Variants in NKAIN2 observed in about 807,000 individuals in gnomAD.
NKAIN2 encodes sodium/potassium transporting ATPase interacting 2.
A neutral mutation model predicts 32.6 loss-of-function variants in NKAIN2; 14 were observed. The ratio of observed to expected loss-of-function variants is 0.43; its 90% CI spans 0.28 to 0.67. NKAIN2 has a LOEUF of 0.67. NKAIN2 is among the 30% of genes least tolerant of loss of function. The probability of loss-of-function intolerance (pLI) is 0.17; values close to 1 mark genes in which losing one functional copy is unlikely to be tolerated. For synonymous variants in NKAIN2, 80 were observed against 87.2 expected (o/e 0.92, Z 0.46); for missense variants, 198 against 258.3 (o/e 0.77, Z 1.60).
intron 1 of NKAIN2, among the ~76,000 whole-genome samples, chr6:124,235,262 C>G (rs908167257): frequency 6.6e-6 from 1 of 152,118 alleles, no homozygotes; most frequent in Non-Finnish European, 1.5e-5. Flanking sequence ...GAATTTCACC[C>G]CTTTTCTATG....
chr6:123,968,320 A>G (rs1045871771), intron 1 of NKAIN2, among the ~76,000 whole-genome samples: 3 of 152,178 alleles, frequency 2.0e-5, no homozygotes, highest in East Asian at 1.9e-4. Context: ...AATAGGAGCC[A>G]CGGGTGCTAT....
chr6:124,424,039 G>A (rs548803118), intron 3 of NKAIN2, among the ~76,000 whole-genome samples: 1 of 152,030 alleles, frequency 6.6e-6, no homozygotes, highest in African/African-American at 2.4e-5. Flanking sequence ...TGTTGCCCAG[G>A]CTGGAGTTCA....
At chr6:124,733,015 G>A (rs550367303) in intron 4 of NKAIN2, among the ~76,000 whole-genome samples, 1 of 151,892 alleles carries the variant, frequency 6.6e-6, no homozygotes, top group African/African-American at 2.4e-5. Context: ...ACAAAAAAAA[G>A]TGGATGGACC....
intron 3 of NKAIN2, among the ~76,000 whole-genome samples, chr6:124,398,147 G>A (rs1386282595): frequency 6.6e-6 from 1 of 150,816 alleles, no homozygotes; most frequent in Non-Finnish European, 1.5e-5. Context: ...CAGCTACTCG[G>A]GAGGCTGAGG....
chr6:123,887,598 G>A (rs1336510348), intron 1 of NKAIN2, among the ~76,000 whole-genome samples: 1 of 152,078 alleles, frequency 6.6e-6, no homozygotes, highest in Non-Finnish European at 1.5e-5. Context: ...TGTTGCTCAT[G>A]CTCTCAACCA....
chr6:124,302,763 A>T (rs185030382), intron 2 of NKAIN2, among the ~76,000 whole-genome samples: 1 of 152,312 alleles, frequency 6.6e-6, no homozygotes, highest in East Asian at 1.9e-4. Context: ...TGGAAAAAAA[A>T]ACTTAGAAGA....
At chr6:124,361,570 G>A (rs2114277622) in intron 3 of NKAIN2, among the ~76,000 whole-genome samples, 1 of 152,104 alleles carries the variant, frequency 6.6e-6, no homozygotes. Flanking sequence ...TATACCTAAT[G>A]TTTGTTTCAG....
intron 3 of NKAIN2, among the ~76,000 whole-genome samples, chr6:124,562,843 G>T (rs1780746482): frequency 6.6e-6 from 1 of 151,632 alleles, no homozygotes; most frequent in Admixed American, 6.6e-5. Flanking sequence ...TTCGGAAAAT[G>T]CCGCTGTATA....
chr6:124,807,130 C>T (rs1228761703), intron 5 of NKAIN2, among the ~76,000 whole-genome samples: 4 of 151,896 alleles, frequency 2.6e-5, no homozygotes, highest in Non-Finnish European at 4.4e-5. Context: ...AGCTCTGCAC[C>T]AAGTGGACCT....
At chr6:123,809,737 A>G (rs1773374615) in intron 1 of NKAIN2, among the ~76,000 whole-genome samples, 1 of 152,168 alleles carries the variant, frequency 6.6e-6, no homozygotes, top group Non-Finnish European at 1.5e-5. Flanking sequence ...CTTGAATTAT[A>G]AAACAGGCAG....
rs571237571 is a variant in NKAIN2, at chr6:124,099,684, C to T, written c.55-183321C>T. On this transcript the variant is annotated intron_variant, in intron 1 of 6. Transcript: ENST00000368417. ...ATGTTGCATTCCAGGAGACTTTTGA[C>T]TATTGACTGTTACAATGTATGTAGC... 2.0e-5 allele frequency among the ~76,000 whole-genome samples: 3 copies of T among 152,268 alleles called. No individual in the cohort carries two copies. The South Asian group carries it at 6.2e-4, about 32-fold the overall frequency.
intron 1 of NKAIN2, among the ~76,000 whole-genome samples, chr6:123,932,162 G>T (rs962360937): frequency 1.3e-5 from 2 of 151,964 alleles, no homozygotes; most frequent in Non-Finnish European, 2.9e-5. Context: ...CTTTTCCCCC[G>T]GCTTCCTAAG....
chr6:124,432,911 C>T (rs577816546), intron 3 of NKAIN2, among the ~76,000 whole-genome samples: 1 of 152,248 alleles, frequency 6.6e-6, no homozygotes, highest in East Asian at 1.9e-4. Context: ...TAGGAACCAT[C>T]TTCCTTGTGA....
intron 3 of NKAIN2, among the ~76,000 whole-genome samples, chr6:124,365,647 A>G (rs897883971): frequency 1.3e-5 from 2 of 152,004 alleles, no homozygotes; most frequent in African/African-American, 4.8e-5. Flanking sequence ...CAATAAGGAT[A>G]TAGAATATCT....
chr6:124,034,123 T>C (rs1781512325), intron 1 of NKAIN2, among the ~76,000 whole-genome samples: 1 of 152,084 alleles, frequency 6.6e-6, no homozygotes, highest in African/African-American at 2.4e-5. Flanking sequence ...TGTTTCTTTT[T>C]TATTTTTCTT....
chr6:124,705,113 A>G (rs1774992571), intron 4 of NKAIN2, among the ~76,000 whole-genome samples: 1 of 152,086 alleles, frequency 6.6e-6, no homozygotes, highest in Non-Finnish European at 1.5e-5. Context: ...TCCAAGAACA[A>G]GATCATGATC....
chr6:124,680,999 G>T (rs1773596418), intron 4 of NKAIN2, among the ~76,000 whole-genome samples: 1 of 151,694 alleles, frequency 6.6e-6, no homozygotes, highest in African/African-American at 2.4e-5. Flanking sequence ...AATGATTCTA[G>T]TTAATCCCAT....
intron 4 of NKAIN2, among the ~76,000 whole-genome samples, chr6:124,771,337 A>G (rs1383525452): frequency 3.3e-5 from 5 of 152,176 alleles, no homozygotes; most frequent in Non-Finnish European, 5.9e-5. Flanking sequence ...TGACCCAGCA[A>G]TCTCATTTGG....
At chr6:124,473,735 A>G (rs758991923) in intron 3 of NKAIN2, among the ~76,000 whole-genome samples, 7 of 152,148 alleles carry the variant, frequency 4.6e-5, no homozygotes, top group Non-Finnish European at 8.8e-5. Context: ...CTTCGAATCT[A>G]AGGCTTTATG....
Sources: allele counts gnomAD v4.1 joint callset (sites outside exome capture counted in the v4.1 genomes callset), GRCh38; gene constraint gnomAD v4.1.1; transcripts MANE v1.5; gene names NCBI Gene and HGNC (gene_info 2026-07-23, HGNC 2026-07-21).